Variants in CDKAL1 observed in about 807,000 individuals in gnomAD.
CDKAL1 encodes threonylcarbamoyladenosine tRNA methylthiotransferase.
A neutral mutation model predicts 68.2 loss-of-function variants in CDKAL1; 32 were observed. That is an observed-to-expected ratio of 0.47 (90% CI 0.35 to 0.63). CDKAL1 has a LOEUF of 0.63. CDKAL1 is among the 30% of genes least tolerant of loss of function. The pLI is 0.00. For missense variants in CDKAL1, 606 were observed against 696.7 expected (o/e 0.87, Z 1.47); for synonymous variants, 234 against 244.3 (o/e 0.96, Z 0.39).
chr6:20,941,090 C>CAAAAAG (rs1763951541), intron 9 of CDKAL1, among the ~76,000 whole-genome samples: 1 of 128,716 alleles, frequency 7.8e-6, no homozygotes, highest in African/African-American at 3.2e-5. Flanking sequence ...GACTCCATCT[C>CAAAAAG]AAAAAGAAAA....
chr6:20,721,725 GTTTTTTT>G (rs145893325), intron 5 of CDKAL1, among the ~76,000 whole-genome samples: 1,055 of 67,402 alleles, frequency 0.016, 7 homozygotes, highest in African/African-American at 0.059. Context: ...ACCAACTTCT[GTTTTTTT>G]TTTTTTTTTT....
chr6:21,039,633 C>T (rs1359508919), intron 11 of CDKAL1, among the ~76,000 whole-genome samples: 1 of 152,142 alleles, frequency 6.6e-6, no homozygotes, highest in Non-Finnish European at 1.5e-5. Flanking sequence ...CCTCACTAAA[C>T]ATTGAAGAAC....
At chr6:21,200,561 A>G (rs1275644244) in intron 14 of CDKAL1, among the ~76,000 whole-genome samples, 1 of 152,176 alleles carries the variant, frequency 6.6e-6, no homozygotes, top group Non-Finnish European at 1.5e-5. Context: ...GCTCACTTGG[A>G]AAGTATTAAA....
chr6:20,538,629 T>C (rs907720195), intron 2 of CDKAL1, among the ~76,000 whole-genome samples: 9 of 152,320 alleles, frequency 5.9e-5, no homozygotes, highest in Middle Eastern at 3.4e-3. Flanking sequence ...AATTAAAAAA[T>C]ATGGCTTTTA....
chr6:21,164,188 C>T (rs930178751), intron 13 of CDKAL1, among the ~76,000 whole-genome samples: 2 of 151,904 alleles, frequency 1.3e-5, no homozygotes, highest in African/African-American at 4.9e-5. Flanking sequence ...GATTTAAAAT[C>T]ACTTCCTATT....
intron 11 of CDKAL1, among the ~76,000 whole-genome samples, chr6:21,005,410 C>G (rs570779110): frequency 6.6e-6 from 1 of 152,202 alleles, no homozygotes; most frequent in Non-Finnish European, 1.5e-5. Flanking sequence ...GTAAGAATAT[C>G]CTACGGATAG....
intron 5 of CDKAL1, among the ~76,000 whole-genome samples, chr6:20,702,891 T>A (rs1771433796): frequency 6.6e-6 from 1 of 152,040 alleles, no homozygotes; most frequent in African/African-American, 2.4e-5. Context: ...CACCACTTCT[T>A]TATCATTTGA....
At chr6:21,174,203 T>C (rs990773531) in intron 13 of CDKAL1, among the ~76,000 whole-genome samples, 2 of 152,074 alleles carry the variant, frequency 1.3e-5, no homozygotes, top group Admixed American at 1.3e-4. Flanking sequence ...TAACAAAAAA[T>C]AAATGTTGTA....
intron 8 of CDKAL1, among the ~76,000 whole-genome samples, chr6:20,818,962 T>C (rs1777162956): frequency 6.6e-6 from 1 of 152,098 alleles, no homozygotes; most frequent in Non-Finnish European, 1.5e-5. Context: ...TGTATTTCTT[T>C]AGTTCATGGA....
intron 7 of CDKAL1, among the ~76,000 whole-genome samples, chr6:20,779,136 A>G (rs1775306105): frequency 6.6e-6 from 1 of 152,238 alleles, no homozygotes; most frequent in African/African-American, 2.4e-5. Context: ...AAGAAGCCGT[A>G]GTACTAAGTA....
chr6:20,925,279 T>C (rs1763136930), intron 9 of CDKAL1, among the ~76,000 whole-genome samples: 2 of 152,376 alleles, frequency 1.3e-5, no homozygotes, highest in South Asian at 4.1e-4. Flanking sequence ...ATGATACTAT[T>C]GCATACTTAA....
intron 5 of CDKAL1, among the ~76,000 whole-genome samples, chr6:20,730,385 A>C (rs1008525898): frequency 6.6e-6 from 1 of 151,704 alleles, no homozygotes; most frequent in Non-Finnish European, 1.5e-5. Context: ...CCGACCCGAA[A>C]AAAAAGGAAG....
At chr6:20,787,185 C>T (rs1399581097) in intron 8 of CDKAL1, among the ~76,000 whole-genome samples, 1 of 152,138 alleles carries the variant, frequency 6.6e-6, no homozygotes, top group Non-Finnish European at 1.5e-5. Flanking sequence ...ATCAGACAGA[C>T]ATATGGTGGT....
intron 7 of CDKAL1, among the ~76,000 whole-genome samples, chr6:20,768,205 A>G (rs973995262): frequency 2.0e-5 from 3 of 152,130 alleles, no homozygotes; most frequent in African/African-American, 7.2e-5. Flanking sequence ...GCTGTGTGCA[A>G]ATGCTTGTTT....
intron 5 of CDKAL1, among the ~76,000 whole-genome samples, chr6:20,690,146 C>T (rs1358340451): frequency 2.0e-5 from 3 of 152,162 alleles, no homozygotes; most frequent in South Asian, 2.1e-4. Context: ...TTATATCGTA[C>T]ATATTTTTGT....
chr6:20,904,648 G>A (rs575854158), intron 9 of CDKAL1, among the ~76,000 whole-genome samples: 1 of 152,230 alleles, frequency 6.6e-6, no homozygotes, highest in African/African-American at 2.4e-5. Flanking sequence ...AATTAGACAG[G>A]TGTGGTGGCA....
chr6:20,835,171 G>C (rs1016685511), intron 8 of CDKAL1, among the ~76,000 whole-genome samples: 1 of 152,104 alleles, frequency 6.6e-6, no homozygotes, highest in Admixed American at 6.5e-5. Flanking sequence ...GAAACCTTTA[G>C]GGACAATGGA....
chr6:21,049,801 C>G (rs187097504), intron 11 of CDKAL1, among the ~76,000 whole-genome samples: 22 of 150,894 alleles, frequency 1.5e-4, no homozygotes, highest in East Asian at 9.7e-4. Context: ...GTCATCTCAT[C>G]CAGTTGTCTC....
At chr6:21,133,835 A>G (rs771857393) in intron 13 of CDKAL1, among the ~76,000 whole-genome samples, 1 of 152,232 alleles carries the variant, frequency 6.6e-6, no homozygotes, top group African/African-American at 2.4e-5. Context: ...AAGAATTAAG[A>G]GAAAGAAGGC....
Sources: gnomAD v4.1 joint callset for allele counts (sites outside exome capture counted in the v4.1 genomes callset) on GRCh38, gnomAD v4.1.1 for gene constraint, MANE v1.5 for transcripts, NCBI Gene and HGNC (gene_info 2026-07-23, HGNC 2026-07-21) for gene names.